The following KCTD1 variants were observed in gnomAD, a reference collection of about 807,000 sequenced individuals.
KCTD1 encodes the protein BTB/POZ domain-containing protein KCTD1.
KCTD1 carries 24 observed loss-of-function variants against 66.0 expected under a neutral mutation model. The ratio of observed to expected loss-of-function variants is 0.36; its 90% CI spans 0.26 to 0.51. The LOEUF is 0.51. Among genes scored for constraint, KCTD1 ranks in the 20% least tolerant of loss-of-function variants. The pLI, the probability that KCTD1 is intolerant of heterozygous loss-of-function variation, is 0.95. For synonymous variants in KCTD1, 511 were observed against 517.2 expected, an observed-to-expected ratio of 0.99 and a Z score of 0.16; for missense variants, 943 against 1,205.2, an observed-to-expected ratio of 0.78 and a Z score of 3.22.
chr18:26,645,753 T>C (rs76014572), intron 1 of KCTD1, among the ~76,000 whole-genome samples: 468 of 152,240 alleles, frequency 3.1e-3, no homozygotes, highest in African/African-American at 0.011. Context: ...ACTTTACCCC[T>C]AAAACAGAGG....
intron 1 of KCTD1, chr18:26,600,090 G>A (rs564485781): frequency 2.4e-5 from 38 of 1,610,804 alleles, no homozygotes; most frequent in African/African-American, 2.3e-4. Flanking sequence ...AGCCAGATCC[G>A]GCTTCCCTGC....
upstream of KCTD1, among the ~76,000 whole-genome samples, chr18:26,632,822 G>T (rs941576207): frequency 6.6e-6 from 1 of 152,020 alleles, no homozygotes; most frequent in African/African-American, 2.4e-5. Context: ...CAAATGAAAA[G>T]ATATATCAAG....
At chr18:26,499,032 C>T (rs1396929138) in intron 2 of KCTD1, among the ~76,000 whole-genome samples, 1 of 152,114 alleles carries the variant, frequency 6.6e-6, no homozygotes, top group East Asian at 1.9e-4. Context: ...GAAGGAGACC[C>T]ACCTAGTTAC....
intron 1 of KCTD1, among the ~76,000 whole-genome samples, chr18:26,582,646 T>A (rs1986381160): frequency 6.6e-6 from 1 of 152,220 alleles, no homozygotes; most frequent in African/African-American, 2.4e-5. Context: ...ATAATTTAAA[T>A]GTCCATCAAT....
intron 1 of KCTD1, among the ~76,000 whole-genome samples, chr18:26,576,143 T>C (rs1986220608): frequency 6.6e-6 from 1 of 152,184 alleles, no homozygotes; most frequent in Non-Finnish European, 1.5e-5. Context: ...CCTCTCCAGG[T>C]TCTTATGCAT....
chr18:26,624,650 G>A (rs916064651), intron 1 of KCTD1, among the ~76,000 whole-genome samples: 1 of 152,262 alleles, frequency 6.6e-6, no homozygotes, highest in Non-Finnish European at 1.5e-5. Flanking sequence ...TTGCTGCAGT[G>A]GCGGAGCCTT....
chr18:26,511,182 T>A (rs943390672), intron 1 of KCTD1, among the ~76,000 whole-genome samples: 7 of 152,156 alleles, frequency 4.6e-5, no homozygotes, highest in African/African-American at 1.7e-4. Flanking sequence ...AATAAAGAAA[T>A]ACAAGAATGG....
chr18:26,657,105 C>G (rs376766110), intron 1 of KCTD1, among the ~76,000 whole-genome samples: 1 of 151,728 alleles, frequency 6.6e-6, no homozygotes. Context: ...CCGCTCTGCT[C>G]CGCCCTGCTC....
In KCTD1 at chr18:26,472,191, T is replaced by C. The variant is rs1283905287; in HGVS notation, c.2133+4324A>G. On this transcript the variant is annotated intron_variant, in intron 3 of 4. Transcript: ENST00000580059. ...GGGCATCTAAAGTTTAAAGAGCGAA[T>C]GAACTATCCAGGCAGGGATTCTGGG... Among the ~76,000 whole-genome samples the C allele has an allele frequency of 2.6e-5, 4 of 151,962 alleles. 1 individual carries two copies. Among genetic ancestry groups the C allele is most frequent in the African/African-American group, 9.7e-5 (4 of 41,350 alleles).
intron 1 of KCTD1, among the ~76,000 whole-genome samples, chr18:26,563,336 C>T (rs1985905788): frequency 6.6e-6 from 1 of 152,140 alleles, no homozygotes; most frequent in African/African-American, 2.4e-5. Context: ...ACCAACAAAC[C>T]AAACTATAAC....
chr18:26,639,636 C>T (rs917826819), intron 1 of KCTD1, among the ~76,000 whole-genome samples: 3 of 152,098 alleles, frequency 2.0e-5, no homozygotes, highest in Non-Finnish European at 4.4e-5. Context: ...ATCTCTCTCC[C>T]CCATCCCATC....
At chr18:26,557,366 G>A (rs545230073) in intron 1 of KCTD1, among the ~76,000 whole-genome samples, 1 of 152,272 alleles carries the variant, frequency 6.6e-6, no homozygotes, top group Non-Finnish European at 1.5e-5. Context: ...TATTGTAAGT[G>A]CTTTTTAGAC....
intron 1 of KCTD1, among the ~76,000 whole-genome samples, chr18:26,536,310 G>A (rs757761873): frequency 6.6e-6 from 1 of 152,222 alleles, no homozygotes; most frequent in African/African-American, 2.4e-5. Flanking sequence ...CTTCACAACA[G>A]GGTGAACATT....
At chr18:26,556,753 A>G (rs763423360) in intron 1 of KCTD1, among the ~76,000 whole-genome samples, 2 of 152,172 alleles carry the variant, frequency 1.3e-5, no homozygotes, top group Non-Finnish European at 2.9e-5. Context: ...GAGAGCTTCA[A>G]TAACTTGCCC....
At chr18:26,656,955 G>C (rs1262739112) in intron 1 of KCTD1, among the ~76,000 whole-genome samples, 1 of 149,744 alleles carries the variant, frequency 6.7e-6, no homozygotes, top group Admixed American at 6.6e-5. Flanking sequence ...GGAGGCTGGC[G>C]CGCGGAGCGG....
intron 1 of KCTD1, among the ~76,000 whole-genome samples, chr18:26,654,645 G>A (rs1175137714): frequency 1.3e-5 from 2 of 152,118 alleles, no homozygotes; most frequent in Non-Finnish European, 2.9e-5. Flanking sequence ...GGAGATTTTT[G>A]ACAAATATCT....
chr18:26,620,682 G>A (rs1196471296), intron 1 of KCTD1, among the ~76,000 whole-genome samples: 1 of 151,838 alleles, frequency 6.6e-6, no homozygotes, highest in African/African-American at 2.4e-5. Flanking sequence ...GGGATCTGCC[G>A]GCCCCGGCCT....
intron 1 of KCTD1, among the ~76,000 whole-genome samples, chr18:26,572,104 G>C (rs1397776937): frequency 6.6e-6 from 1 of 150,760 alleles, no homozygotes; most frequent in Non-Finnish European, 1.5e-5. Flanking sequence ...CTGTTGCCCA[G>C]GCTGGAGTGC....
At chr18:26,608,367 T>G (rs1343088955) in intron 1 of KCTD1, among the ~76,000 whole-genome samples, 1 of 152,218 alleles carries the variant, frequency 6.6e-6, no homozygotes, top group Admixed American at 6.5e-5. Flanking sequence ...GATCTTGTGA[T>G]CTGTGGTTTT....
Sources: gnomAD v4.1 joint callset for allele counts (sites outside exome capture counted in the v4.1 genomes callset) on GRCh38, gnomAD v4.1.1 for gene constraint, MANE v1.5 for transcripts, NCBI Gene and HGNC (gene_info 2026-07-23, HGNC 2026-07-21) for gene names.